The following NCKAP5 variants were observed in gnomAD, a reference collection of about 807,000 sequenced individuals.
NCKAP5 encodes the protein nck-associated protein 5.
Under a neutral mutation model 167.0 loss-of-function variants are expected in NCKAP5, and 92 were observed. The observed-to-expected ratio is 0.55, with a 90% CI of 0.47 to 0.66. The LOEUF (loss-of-function observed/expected upper bound fraction) is 0.66, where lower values mean the gene tolerates loss of function less well. NCKAP5 is among the 30% of genes least tolerant of loss of function. The probability of loss-of-function intolerance (pLI) is 0.00; values close to 1 mark genes in which losing one functional copy is unlikely to be tolerated. For synonymous variants in NCKAP5, 891 were observed against 877.4 expected, an observed-to-expected ratio of 1.02 and a Z score of -0.27; for missense variants, 2,378 against 2,315.0, an observed-to-expected ratio of 1.03 and a Z score of -0.56.
At chr2:132,858,865 A>G (rs1689668705) in intron 11 of NCKAP5, among the ~76,000 whole-genome samples, 1 of 152,206 alleles carries the variant, frequency 6.6e-6, no homozygotes, top group South Asian at 2.1e-4. Context: ...TGTGTTTACC[A>G]TGCAAATAAA....
intron 3 of NCKAP5, among the ~76,000 whole-genome samples, chr2:133,421,801 C>T (rs1273992050): frequency 1.3e-5 from 2 of 152,220 alleles, no homozygotes. Context: ...CTGAACAGGG[C>T]CAGTGTGCTT....
At chr2:133,567,525 G>T (rs1281102002) in intron 1 of NCKAP5, among the ~76,000 whole-genome samples, 1 of 152,116 alleles carries the variant, frequency 6.6e-6, no homozygotes, top group Admixed American at 6.6e-5. Context: ...CATTAACTTG[G>T]GTTCCAACTC....
the NCKAP5 span, among the ~76,000 whole-genome samples, chr2:133,625,824 A>G: frequency 6.7e-6 from 1 of 149,522 alleles, no homozygotes; most frequent in Non-Finnish European, 1.5e-5. Context: ...GTGAGCCGAG[A>G]TGGCGCCACT....
chr2:133,085,577 CCA>C lies in NCKAP5; in HGVS notation c.341+44399_341+44400del, dbSNP rs1478281895. Among the ~76,000 whole-genome samples the C allele has an allele frequency of 7.2e-5, 11 of 152,060 alleles. No homozygotes were observed. The East Asian group carries it at 2.1e-3, about 29-fold the overall frequency. ...TTTGAGGTAGCATAAAAAAAAGCTG[CCA>C]GTTCCTTTTGGTCTGGTCTTGGAAT... On this transcript the variant is annotated intron_variant, in intron 6 of 19. Transcript: ENST00000409261.
chr2:133,286,833 A>T (rs181953402), intron 4 of NCKAP5, among the ~76,000 whole-genome samples: 2 of 152,350 alleles, frequency 1.3e-5, no homozygotes, highest in East Asian at 3.9e-4. Flanking sequence ...CTGTCTTTAG[A>T]TAAATCCTTT....
the NCKAP5 span, among the ~76,000 whole-genome samples, chr2:133,595,735 A>T: frequency 4.6e-5 from 7 of 152,162 alleles, no homozygotes; most frequent in Admixed American, 4.6e-4. Context: ...TGGGCCATAC[A>T]GTCTCTGTTG....
intron 4 of NCKAP5, among the ~76,000 whole-genome samples, chr2:133,258,736 A>G (rs1041393746): frequency 6.6e-6 from 1 of 150,738 alleles, no homozygotes; most frequent in African/African-American, 2.5e-5. Flanking sequence ...ACAGAGCAAG[A>G]TCCTGTCTCA....
At chr2:133,375,228 A>G (rs1273637812) in intron 3 of NCKAP5, among the ~76,000 whole-genome samples, 2 of 152,176 alleles carry the variant, frequency 1.3e-5, no homozygotes, top group Non-Finnish European at 2.9e-5. Context: ...GGCATTTTAG[A>G]GCTTATCCAC....
At position 132,726,047 on chromosome 2, in the gene NCKAP5, C is replaced by G. The variant is rs77853449; in HGVS notation, c.5581-288G>C. ...TGTCCCAGGCTCAGGAAGGTCCCCA[C>G]GGTTACCTGGTCTGCATTTTGTACA... On this transcript the variant is annotated intron_variant, in intron 18 of 19. Transcript: ENST00000409261. Among the ~76,000 whole-genome samples the G allele has an allele frequency of 9.0e-3, 1,376 of 152,270 alleles. 24 individuals are homozygous for G. The highest frequency in any genetic ancestry group is 0.032 in the African/African-American group (1,319 of 41,550).
intron 6 of NCKAP5, among the ~76,000 whole-genome samples, chr2:133,052,975 T>C (rs1334174830): frequency 6.6e-6 from 1 of 152,060 alleles, no homozygotes; most frequent in African/African-American, 2.4e-5. Context: ...ACTCCTAATG[T>C]TTTGGCATCC....
chr2:133,635,459 A>G, the NCKAP5 span, among the ~76,000 whole-genome samples: 4 of 152,222 alleles, frequency 2.6e-5, no homozygotes, highest in Admixed American at 2.6e-4. Flanking sequence ...TACAGCCATC[A>G]GTCTGCCAGA....
chr2:133,307,811 ATCTATGCACATATG>A (rs2150591861), intron 3 of NCKAP5, among the ~76,000 whole-genome samples: 2 of 152,296 alleles, frequency 1.3e-5, no homozygotes, highest in East Asian at 3.9e-4. Context: ...ACTATGCATT[ATCTATGCACATATG>A]TAATACCTGA....
chr2:132,840,292 T>TTTTTTG (rs770227651), intron 11 of NCKAP5, among the ~76,000 whole-genome samples: 5 of 147,400 alleles, frequency 3.4e-5, no homozygotes, highest in East Asian at 2.1e-4. Flanking sequence ...TTTTTTTTTT[T>TTTTTTG]TGAGATAGAG....
intron 3 of NCKAP5, among the ~76,000 whole-genome samples, chr2:133,396,630 C>A (rs1687745397): frequency 1.3e-5 from 2 of 152,030 alleles, no homozygotes; most frequent in South Asian, 4.2e-4. Context: ...TCCAAGTTCC[C>A]CCCTTTTTAT....
At chr2:133,130,967 A>G (rs1460482209) in intron 5 of NCKAP5, among the ~76,000 whole-genome samples, 1 of 152,224 alleles carries the variant, frequency 6.6e-6, no homozygotes, top group Non-Finnish European at 1.5e-5. Flanking sequence ...CTATACATGC[A>G]ATGTCTGATC....
chr2:132,720,071 T>C (rs568823525), intron 19 of NCKAP5, among the ~76,000 whole-genome samples: 1 of 152,282 alleles, frequency 6.6e-6, no homozygotes, highest in Non-Finnish European at 1.5e-5. Flanking sequence ...TCTCCCTTCA[T>C]CCGGAGATTG....
At chr2:133,573,319 TGA>T (rs547971179), upstream of NCKAP5, among the ~76,000 whole-genome samples, 155 of 152,326 alleles carry the variant, frequency 1.0e-3, 1 homozygote, top group Non-Finnish European at 1.7e-3. Flanking sequence ...TTTTCCCTCC[TGA>T]GAGGAGTGAG....
chr2:133,049,100 T>C (rs1427586564), intron 6 of NCKAP5, among the ~76,000 whole-genome samples: 1 of 152,216 alleles, frequency 6.6e-6, no homozygotes, highest in East Asian at 1.9e-4. Flanking sequence ...TTCAAAATGA[T>C]GGCAACAGGG....
At chr2:133,261,360 C>A (rs2088897224) in intron 4 of NCKAP5, among the ~76,000 whole-genome samples, 1 of 152,146 alleles carries the variant, frequency 6.6e-6, no homozygotes, top group African/African-American at 2.4e-5. Flanking sequence ...TTTAATAACA[C>A]CGCTATAACA....
Sources: gnomAD v4.1 joint callset for allele counts (sites outside exome capture counted in the v4.1 genomes callset) on GRCh38, gnomAD v4.1.1 for gene constraint, MANE v1.5 for transcripts, NCBI Gene and HGNC (gene_info 2026-07-23, HGNC 2026-07-21) for gene names.